The following PPP2R2B variants were observed in gnomAD, a reference collection of about 807,000 sequenced individuals.
The protein encoded by PPP2R2B is serine/threonine-protein phosphatase 2A 55 kDa regulatory subunit B beta isoform.
In PPP2R2B, 5 loss-of-function variants were observed where a neutral mutation model predicts 46.0. The observed-to-expected ratio is 0.11, with a 90% CI of 0.06 to 0.23. PPP2R2B has a LOEUF of 0.23. PPP2R2B is among the 10% of genes least tolerant of loss of function. The probability of loss-of-function intolerance (pLI) is 1.00; values close to 1 mark genes in which losing one functional copy is unlikely to be tolerated. For missense variants in PPP2R2B, 367 were observed against 575.0 expected, an observed-to-expected ratio of 0.64 and a Z score of 3.70; for synonymous variants, 215 against 206.7, an observed-to-expected ratio of 1.04 and a Z score of -0.34.
chr5:146,735,253 A>T (rs1752467662), intron 2 of PPP2R2B, among the ~76,000 whole-genome samples: 1 of 152,174 alleles, frequency 6.6e-6, no homozygotes, highest in Admixed American at 6.5e-5. Flanking sequence ...CCAGGCTATG[A>T]GTTGTCAAAT....
intron 2 of PPP2R2B, among the ~76,000 whole-genome samples, chr5:147,075,970 G>C (rs949568393): frequency 1.3e-5 from 2 of 152,050 alleles, no homozygotes; most frequent in African/African-American, 2.4e-5. Context: ...ATTATCATAA[G>C]AATTCTTCAA....
chr5:146,900,398 G>A (rs562228414), intron 1 of PPP2R2B, among the ~76,000 whole-genome samples: 7 of 152,156 alleles, frequency 4.6e-5, no homozygotes, highest in Non-Finnish European at 1.0e-4. Flanking sequence ...TTTGAGGCAA[G>A]GTTAGACTGT....
At chr5:147,046,805 C>T (rs1663728335) in intron 1 of PPP2R2B, among the ~76,000 whole-genome samples, 1 of 152,072 alleles carries the variant, frequency 6.6e-6, no homozygotes. Flanking sequence ...CCTGTGATAA[C>T]ACAGGGAGAA....
chr5:146,911,490 G>T, intron 1 of PPP2R2B, among the ~76,000 whole-genome samples: 1 of 152,202 alleles, frequency 6.6e-6, no homozygotes, highest in East Asian at 1.9e-4. Flanking sequence ...CAAGAGAGCA[G>T]AGACCTTTCT....
intron 1 of PPP2R2B, among the ~76,000 whole-genome samples, chr5:147,004,572 T>G (rs1206480765): frequency 6.6e-6 from 1 of 152,194 alleles, no homozygotes; most frequent in Non-Finnish European, 1.5e-5. Context: ...ACTTTGCTCT[T>G]TTCACATGCC....
At chr5:146,923,146 G>C (rs1406181156) in intron 1 of PPP2R2B, among the ~76,000 whole-genome samples, 1 of 152,126 alleles carries the variant, frequency 6.6e-6, no homozygotes, top group East Asian at 1.9e-4. Context: ...AGCCGGTTTT[G>C]AGCCAGATTT....
intron 7 of PPP2R2B, among the ~76,000 whole-genome samples, chr5:146,606,677 C>A (rs1261723301): frequency 3.3e-5 from 5 of 152,152 alleles, no homozygotes; most frequent in Non-Finnish European, 7.3e-5. Context: ...CCGTTTGAGG[C>A]AGATCTTAAG....
intron 1 of PPP2R2B, among the ~76,000 whole-genome samples, chr5:147,015,773 T>C (rs2151881606): frequency 6.7e-6 from 1 of 149,916 alleles, no homozygotes; most frequent in African/African-American, 2.4e-5. Flanking sequence ...TATAAAATAA[T>C]GTAATATACA....
intron 1 of PPP2R2B, among the ~76,000 whole-genome samples, chr5:146,985,486 A>G (rs1472177940): frequency 2.0e-5 from 3 of 152,128 alleles, no homozygotes; most frequent in African/African-American, 7.2e-5. Context: ...GCCTAAACCA[A>G]TGTCATGTAG....
At chr5:146,627,384 GCCA>G (rs1280763491) in intron 7 of PPP2R2B, among the ~76,000 whole-genome samples, 1 of 152,212 alleles carries the variant, frequency 6.6e-6, no homozygotes, top group Non-Finnish European at 1.5e-5. Context: ...TGGGGAATGA[GCCA>G]CAGGTTTATT....
At chr5:146,770,102 G>A (rs1412873927) in intron 2 of PPP2R2B, among the ~76,000 whole-genome samples, 4 of 152,000 alleles carry the variant, frequency 2.6e-5, no homozygotes, top group African/African-American at 9.7e-5. Flanking sequence ...GCCGAGGCAG[G>A]CAGATCACTT....
At chr5:146,951,909 G>C (rs893298699) in intron 1 of PPP2R2B, among the ~76,000 whole-genome samples, 1 of 151,116 alleles carries the variant, frequency 6.6e-6, no homozygotes. Flanking sequence ...TGGTGTTTCT[G>C]GTTCTAAATC....
chr5:146,890,705 A>T (rs886413273), intron 1 of PPP2R2B, among the ~76,000 whole-genome samples: 3 of 152,214 alleles, frequency 2.0e-5, no homozygotes, highest in Non-Finnish European at 4.4e-5. Context: ...ACATCCCACA[A>T]ATAGAGACCT....
chr5:147,061,611 A>C (rs1233099817), intron 2 of PPP2R2B, among the ~76,000 whole-genome samples: 1 of 152,118 alleles, frequency 6.6e-6, no homozygotes, highest in Non-Finnish European at 1.5e-5. Flanking sequence ...CATATTTCTG[A>C]TTGGCAGTCT....
At chr5:146,677,370 A>G (rs1777800196) in intron 5 of PPP2R2B, among the ~76,000 whole-genome samples, 1 of 152,228 alleles carries the variant, frequency 6.6e-6, no homozygotes, top group Non-Finnish European at 1.5e-5. Flanking sequence ...TTCTAAATAC[A>G]CAATGGGATT....
intron 1 of PPP2R2B, among the ~76,000 whole-genome samples, chr5:147,035,731 G>A (rs987379229): frequency 7.9e-5 from 12 of 151,924 alleles, no homozygotes; most frequent in Admixed American, 7.9e-4. Flanking sequence ...ATCTTAGGAA[G>A]ATAAACAACC....
At chr5:146,983,423 G>T (rs947221940) in intron 1 of PPP2R2B, among the ~76,000 whole-genome samples, 53 of 152,150 alleles carry the variant, frequency 3.5e-4, no homozygotes, top group African/African-American at 1.2e-3. Flanking sequence ...CTCGTGATCT[G>T]CCCGCCTTGG....
intron 1 of PPP2R2B, among the ~76,000 whole-genome samples, chr5:146,920,526 GC>G (rs1386465284): frequency 3.3e-5 from 5 of 152,196 alleles, no homozygotes; most frequent in Non-Finnish European, 7.4e-5. Context: ...CCACCTGATT[GC>G]TTTGTTCAGA....
chr5:146,832,643 G>A (rs6864215), intron 2 of PPP2R2B, among the ~76,000 whole-genome samples: 82,652 of 151,506 alleles, frequency 0.55, 23,027 homozygotes, highest in Non-Finnish European at 0.61. Flanking sequence ...CACCTGCCTC[G>A]GCCTCCCAAA....
Sources: allele counts gnomAD v4.1 joint callset (sites outside exome capture counted in the v4.1 genomes callset), GRCh38; gene constraint gnomAD v4.1.1; transcripts MANE v1.5; gene names NCBI Gene and HGNC (gene_info 2026-07-23, HGNC 2026-07-21).